The following PHLPP1 variants were observed in gnomAD, a reference collection of about 807,000 sequenced individuals.
The protein encoded by PHLPP1 is PH domain leucine-rich repeat-containing protein phosphatase 1.
PHLPP1 carries 42 observed loss-of-function variants against 117.2 expected under a neutral mutation model. That is an observed-to-expected ratio of 0.36 (90% CI 0.28 to 0.46). The LOEUF (loss-of-function observed/expected upper bound fraction) is 0.46, where lower values mean the gene tolerates loss of function less well. Among genes scored for constraint, PHLPP1 ranks in the 20% least tolerant of loss-of-function variants. PHLPP1 has a pLI of 1.00. For synonymous variants in PHLPP1, 1,042 were observed against 970.7 expected (o/e 1.07, Z -1.37); for missense variants, 2,084 against 2,241.9 (o/e 0.93, Z 1.42).
At chr18:62,719,846 AT>A (rs1910864984) in intron 1 of PHLPP1, among the ~76,000 whole-genome samples, 5 of 152,058 alleles carry the variant, frequency 3.3e-5, no homozygotes, top group Admixed American at 3.3e-4. Flanking sequence ...TTTCTGTTCA[AT>A]TTTAGTATTT....
intron 3 of PHLPP1, 56 bp from the exon 4 acceptor site, chr18:62,860,379 G>C: frequency 1.4e-6 from 2 of 1,401,474 alleles, no homozygotes; most frequent in Non-Finnish European, 2.0e-6. Context: ...TCTATCCATA[G>C]AAAGTAGTTA....
intron 11 of PHLPP1, among the ~76,000 whole-genome samples, chr18:62,943,320 A>G (rs1455959585): frequency 1.3e-5 from 2 of 152,158 alleles, no homozygotes; most frequent in Admixed American, 1.3e-4. Flanking sequence ...CCTCAGCCTC[A>G]TATCTCACAC....
intron 10 of PHLPP1, among the ~76,000 whole-genome samples, chr18:62,934,507 G>A (rs1485014120): frequency 6.6e-6 from 1 of 152,066 alleles, no homozygotes; most frequent in African/African-American, 2.4e-5. Context: ...TAATACATGG[G>A]GGCTAAACAG....
At chr18:62,893,668 C>T (rs150341211) in intron 4 of PHLPP1, among the ~76,000 whole-genome samples, 325 of 152,332 alleles carry the variant, frequency 2.1e-3, no homozygotes, top group African/African-American at 7.6e-3. Flanking sequence ...AGAGTGCATA[C>T]TGTCTAGGAT....
intron 1 of PHLPP1, among the ~76,000 whole-genome samples, chr18:62,799,205 A>G (rs542478898): frequency 2.6e-5 from 4 of 152,334 alleles, no homozygotes; most frequent in Admixed American, 6.5e-5. Flanking sequence ...ATTGTATAAA[A>G]TGGACAATGA....
In PHLPP1 at chr18:62,829,087, T is replaced by G. The variant is rs1914686654; in HGVS notation, c.1577-948T>G. Among the ~76,000 whole-genome samples, 3 of 152,340 alleles carry G rather than the reference T, an allele frequency of 2.0e-5. No individual in the cohort carries two copies. The South Asian group carries it at 6.2e-4, about 32-fold the overall frequency. On this transcript the variant is annotated intron_variant, in intron 1 of 16. Coordinates refer to ENST00000262719, the MANE Select transcript of PHLPP1 (RefSeq NM_194449.4). ...CTCTTCAGACCTTTCTCAGTTCTCT[T>G]TCTGCCTTTCAGCCTCATTGCTTAT...
chr18:62,807,047 T>C (rs1001863319), intron 1 of PHLPP1, among the ~76,000 whole-genome samples: 4 of 152,134 alleles, frequency 2.6e-5, no homozygotes, highest in African/African-American at 9.7e-5. Flanking sequence ...CGAAATCTGG[T>C]TTAGTGTAAG....
Position 62,979,513 on chromosome 18 carries a change from T to C in PHLPP1, c.*82T>C. 7.0e-7 allele frequency: 1 copy of C among 1,422,546 alleles called. No individual in the cohort carries two copies. The highest frequency in any genetic ancestry group is 9.5e-7 in the Non-Finnish European group (1 of 1,056,260). The allele number at this position is 1,422,546 out of a possible 1,614,324, so 88.1% of individuals were successfully genotyped here. A position where few individuals can be genotyped will look rare whatever the true frequency, so the allele number is the denominator to read the frequency against. On this transcript the variant is annotated 3_prime_UTR_variant, in exon 17 of 17. Coordinates refer to ENST00000262719, the MANE Select transcript of PHLPP1 (RefSeq NM_194449.4). ...TCCCAGGCTCACATTAAACCAGGGG[T>C]TTTACTCCACATCCTTCCCCCAGAC...
At chr18:62,780,664 T>C (rs1181869330) in intron 1 of PHLPP1, among the ~76,000 whole-genome samples, 6 of 152,146 alleles carry the variant, frequency 3.9e-5, no homozygotes, top group Non-Finnish European at 8.8e-5. Flanking sequence ...AGGTCTGGAG[T>C]GGGACCTGAG....
Position 62,979,431 on chromosome 18 carries a change from A to T in PHLPP1, c.5154A>T (p.Ter1718CysextTer6), listed in dbSNP as rs1476892778. The change falls in exon 17 of 17, where the codon TGA (stop) becomes TGT (cysteine). Residue 1718 changes from the stop codon to cysteine, a stop_lost. Transcript: ENST00000262719. ...CAGATTATTACGACACGCCACTATG[A>T]CCCAGCCGAGCTGTTTAACAAATAA... ...QLPDYYDTPL[*>C] 6.5e-7 allele frequency: 1 copy of T among 1,550,204 alleles called. No individual in the cohort carries two copies. Among genetic ancestry groups the T allele is most frequent in the African/African-American group, 1.4e-5 (1 of 72,984 alleles).
chr18:62,730,314 A>G (rs977592246), intron 1 of PHLPP1, among the ~76,000 whole-genome samples: 1 of 152,140 alleles, frequency 6.6e-6, no homozygotes, highest in African/African-American at 2.4e-5. Flanking sequence ...AAGATAATGA[A>G]TGAAAGTGTC....
At chr18:62,829,055 G>C (rs1475916435) in intron 1 of PHLPP1, among the ~76,000 whole-genome samples, 2 of 152,158 alleles carry the variant, frequency 1.3e-5, no homozygotes, top group Admixed American at 1.3e-4. Flanking sequence ...CATTTGGGAA[G>C]TGAAGACTCT....
chr18:62,972,835 C>G, intron 15 of PHLPP1, 127 bp downstream of exon 15: 1 of 701,362 alleles, frequency 1.4e-6, no homozygotes, highest in Non-Finnish European at 2.4e-6. Context: ...TACCAAGATG[C>G]ATTCAGGCAA....
chr18:62,933,969 T>C (rs1236300990), intron 10 of PHLPP1, among the ~76,000 whole-genome samples: 1 of 152,074 alleles, frequency 6.6e-6, no homozygotes, highest in African/African-American at 2.4e-5. Flanking sequence ...CCAGCAAACA[T>C]GAAAAAATGC....
intron 2 of PHLPP1, among the ~76,000 whole-genome samples, chr18:62,837,059 A>G (rs535622258): frequency 9.9e-4 from 151 of 152,334 alleles, no homozygotes; most frequent in African/African-American, 3.4e-3. Flanking sequence ...ACTCCACACT[A>G]TAGCCTTGAC....
At chr18:62,976,223 G>A (rs1911182522) in intron 16 of PHLPP1, among the ~76,000 whole-genome samples, 1 of 152,188 alleles carries the variant, frequency 6.6e-6, no homozygotes, top group South Asian at 2.1e-4. Flanking sequence ...CTGGGGCGGA[G>A]AGTGCAATTG....
chr18:62,740,588 T>C (rs1169806035), intron 1 of PHLPP1, among the ~76,000 whole-genome samples: 3 of 152,254 alleles, frequency 2.0e-5, no homozygotes, highest in African/African-American at 7.2e-5. Flanking sequence ...AAGCATTGTA[T>C]TTTCATTTTG....
intron 1 of PHLPP1, among the ~76,000 whole-genome samples, chr18:62,725,292 A>G (rs1028833694): frequency 4.0e-5 from 6 of 151,588 alleles, no homozygotes; most frequent in Admixed American, 1.3e-4. Context: ...CCCGGGAGGC[A>G]GAGGTTGCAG....
chr18:62,766,137 T>C (rs538697975), intron 1 of PHLPP1, among the ~76,000 whole-genome samples: 27 of 118,590 alleles, frequency 2.3e-4, no homozygotes, highest in African/African-American at 7.8e-4. Flanking sequence ...AAAGGAGAAT[T>C]GGAGATAATA....
Sources: allele counts gnomAD v4.1 joint callset (sites outside exome capture counted in the v4.1 genomes callset), GRCh38; gene constraint gnomAD v4.1.1; transcripts MANE v1.5; gene names NCBI Gene and HGNC (gene_info 2026-07-23, HGNC 2026-07-21).